The following SDK1 variants were observed in gnomAD, a reference collection of about 807,000 sequenced individuals.
The protein encoded by SDK1 is protein sidekick-1.
Under a neutral mutation model 245.5 loss-of-function variants are expected in SDK1, and 157 were observed. That is an observed-to-expected ratio of 0.64 (90% CI 0.56 to 0.73). The LOEUF is 0.73. Ranked by LOEUF, SDK1 falls within the 30% of genes least tolerant of loss-of-function variation. The pLI is 0.00. For synonymous variants in SDK1, 1,647 were observed against 1,278.5 expected (o/e 1.29, Z -6.15); for missense variants, 3,583 against 3,002.3 (o/e 1.19, Z -4.52).
chr7:4,206,214 T>A (rs886211182), intron 36 of SDK1, among the ~76,000 whole-genome samples: 2 of 152,234 alleles, frequency 1.3e-5, no homozygotes, highest in African/African-American at 2.4e-5. Flanking sequence ...CACACCTGGC[T>A]GTGCCCACCA....
chr7:3,379,136 T>G (rs1455647085), intron 1 of SDK1, among the ~76,000 whole-genome samples: 1 of 152,214 alleles, frequency 6.6e-6, no homozygotes, highest in African/African-American at 2.4e-5. Context: ...TTGCCATCAT[T>G]GGTCCCGTCA....
chr7:3,443,767 G>A (rs1184290149), intron 1 of SDK1, among the ~76,000 whole-genome samples: 1 of 152,156 alleles, frequency 6.6e-6, no homozygotes, highest in Non-Finnish European at 1.5e-5. Flanking sequence ...GGTCAGCAGC[G>A]TAATGGCTTT....
chr7:3,973,614 T>A lies in SDK1; in HGVS notation c.1818-755T>A, dbSNP rs551924611. 2.6e-5 allele frequency among the ~76,000 whole-genome samples: 4 copies of A among 152,312 alleles called. No homozygotes were observed. In the South Asian group the frequency reaches 8.3e-4, roughly 32 times the overall value. ...GTTGGGCAATTCCACTCTGTAGATTTTTTTTAAACAGTCGTTGCCTCCTGT... is the reference window on the plus strand; with the variant it reads ...GTTGGGCAATTCCACTCTGTAGATTATTTTTAAACAGTCGTTGCCTCCTGT... On this transcript the variant is annotated intron_variant, in intron 12 of 44. Coordinates refer to ENST00000404826, the MANE Select transcript of SDK1 (RefSeq NM_152744.4).
chr7:3,680,661 G>A (rs1179522863), intron 4 of SDK1, among the ~76,000 whole-genome samples: 2 of 152,172 alleles, frequency 1.3e-5, no homozygotes, highest in East Asian at 3.9e-4. Context: ...TTAAAATACA[G>A]GTTTGCATCT....
intron 1 of SDK1, among the ~76,000 whole-genome samples, chr7:3,595,547 A>T (rs1245008185): frequency 6.6e-6 from 1 of 152,118 alleles, no homozygotes; most frequent in East Asian, 1.9e-4. Flanking sequence ...ATAATATTTA[A>T]TTATGCAGTT....
At chr7:3,531,105 A>G (rs1197629602) in intron 1 of SDK1, among the ~76,000 whole-genome samples, 1 of 152,206 alleles carries the variant, frequency 6.6e-6, no homozygotes, top group Non-Finnish European at 1.5e-5. Flanking sequence ...TTTGACTAAT[A>G]TGAACTCTGC....
chr7:3,636,000 G>A (rs1258238667), intron 2 of SDK1, among the ~76,000 whole-genome samples: 1 of 152,012 alleles, frequency 6.6e-6, no homozygotes, highest in African/African-American at 2.4e-5. Context: ...TTTGTTTTTT[G>A]TTCAAATATG....
chr7:4,232,394 TTTC>T, intron 40 of SDK1, among the ~76,000 whole-genome samples: 1 of 119,328 alleles, frequency 8.4e-6, no homozygotes, highest in Non-Finnish European at 1.8e-5. Flanking sequence ...CTTTTTTTCT[TTTC>T]TTTTCTTTTC....
intron 35 of SDK1, among the ~76,000 whole-genome samples, chr7:4,199,082 T>C (rs1216763414): frequency 6.6e-6 from 1 of 152,226 alleles, no homozygotes; most frequent in Non-Finnish European, 1.5e-5. Flanking sequence ...CCCAAAGTGC[T>C]GGGATTACAG....
chr7:3,656,807 G>A (rs1166238755), intron 4 of SDK1, among the ~76,000 whole-genome samples: 2 of 151,414 alleles, frequency 1.3e-5, no homozygotes, highest in Non-Finnish European at 2.9e-5. Context: ...GACTGCAGTG[G>A]CGCAATCTCG....
intron 4 of SDK1, among the ~76,000 whole-genome samples, chr7:3,658,586 A>G (rs1299316745): frequency 1.3e-5 from 2 of 149,488 alleles, no homozygotes; most frequent in Non-Finnish European, 3.0e-5. Context: ...TTCACACGGT[A>G]GTAGAGCTGT....
chr7:3,830,964 C>T (rs1360819572), intron 5 of SDK1, among the ~76,000 whole-genome samples: 1 of 152,138 alleles, frequency 6.6e-6, no homozygotes, highest in African/African-American at 2.4e-5. Context: ...AAGATTATAA[C>T]TTATGCATTT....
intron 14 of SDK1, among the ~76,000 whole-genome samples, chr7:4,006,529 A>G (rs957515543): frequency 2.6e-5 from 4 of 152,146 alleles, no homozygotes; most frequent in Non-Finnish European, 5.9e-5. Flanking sequence ...CAGACTTGCT[A>G]TTTAAATTTT....
intron 17 of SDK1, among the ~76,000 whole-genome samples, chr7:4,034,666 T>G (rs1788086411): frequency 6.6e-6 from 1 of 152,198 alleles, no homozygotes; most frequent in Non-Finnish European, 1.5e-5. Context: ...AACTCGACTT[T>G]TAGGAGTTTA....
At chr7:3,697,404 T>C (rs901462925) in intron 4 of SDK1, among the ~76,000 whole-genome samples, 2 of 152,230 alleles carry the variant, frequency 1.3e-5, no homozygotes, top group Admixed American at 6.5e-5. Context: ...CTTCAACTAA[T>C]GGAATTGAGT....
At chr7:3,463,896 C>T (rs752039081) in intron 1 of SDK1, among the ~76,000 whole-genome samples, 1 of 152,158 alleles carries the variant, frequency 6.6e-6, no homozygotes, top group African/African-American at 2.4e-5. Flanking sequence ...CATAAGGGCC[C>T]CAAAGTTCTT....
At chr7:4,070,888 T>A (rs1445009384) in intron 20 of SDK1, among the ~76,000 whole-genome samples, 1 of 151,882 alleles carries the variant, frequency 6.6e-6, no homozygotes, top group Non-Finnish European at 1.5e-5. Flanking sequence ...TGTTTGTATT[T>A]TTAGTGAAGG....
chr7:3,775,883 T>A (rs1780543750), intron 4 of SDK1, among the ~76,000 whole-genome samples: 1 of 152,158 alleles, frequency 6.6e-6, no homozygotes, highest in African/African-American at 2.4e-5. Context: ...GCCTAGTACC[T>A]CTTTAAATGA....
At chr7:3,992,271 A>G (rs1273168809) in intron 14 of SDK1, among the ~76,000 whole-genome samples, 1 of 152,228 alleles carries the variant, frequency 6.6e-6, no homozygotes, top group Non-Finnish European at 1.5e-5. Flanking sequence ...GCCTGCACCC[A>G]TGTACGGGAC....
Sources: gnomAD v4.1 joint callset for allele counts (sites outside exome capture counted in the v4.1 genomes callset) on GRCh38, gnomAD v4.1.1 for gene constraint, MANE v1.5 for transcripts, NCBI Gene and HGNC (gene_info 2026-07-23, HGNC 2026-07-21) for gene names.